The following FYB1 variants were observed in gnomAD, a reference collection of about 807,000 sequenced individuals.
The protein encoded by FYB1 is FYN-binding protein 1.
A neutral mutation model predicts 94.1 loss-of-function variants in FYB1; 41 were observed. That is an observed-to-expected ratio of 0.44 (90% CI 0.34 to 0.57). The LOEUF (loss-of-function observed/expected upper bound fraction) is 0.57. Ranked by LOEUF, FYB1 falls within the 20% of genes least tolerant of loss-of-function variation. The probability of loss-of-function intolerance (pLI) is 0.02; values close to 1 mark genes in which losing one functional copy is unlikely to be tolerated. For synonymous variants in FYB1, 367 were observed against 353.2 expected, an observed-to-expected ratio of 1.04 and a Z score of -0.44; for missense variants, 1,050 against 976.8, an observed-to-expected ratio of 1.07 and a Z score of -1.00.
intron 1 of FYB1, among the ~76,000 whole-genome samples, chr5:39,232,557 TA>T (rs5867450): frequency 0.026 from 4,011 of 151,924 alleles, 70 homozygotes; most frequent in Non-Finnish European, 0.036. Flanking sequence ...ATTTTTTATT[TA>T]TTTTTTTTGC....
upstream of FYB1, among the ~76,000 whole-genome samples, chr5:39,224,340 C>T (rs1453529684): frequency 2.0e-5 from 3 of 152,108 alleles, no homozygotes; most frequent in East Asian, 1.9e-4. Flanking sequence ...AGGGATTAAG[C>T]GTCCTGTGAA....
chr5:39,178,422 C>A (rs1444818098), intron 2 of FYB1, among the ~76,000 whole-genome samples: 4 of 152,184 alleles, frequency 2.6e-5, no homozygotes, highest in Non-Finnish European at 5.9e-5. Context: ...ATGCCTCTGT[C>A]AGGCTCAAAT....
In FYB1 at chr5:39,202,460, C is replaced by T. The variant is rs759366353; in HGVS notation, c.501G>A (p.Lys167=). 1 of 1,613,892 alleles carries T rather than the reference C, an allele frequency of 6.2e-7. No individual in the cohort carries two copies. The highest frequency in any genetic ancestry group is 1.1e-5 in the South Asian group (1 of 91,080). The stretch of plus-strand genomic sequence containing the variant: ...CCCCAGTCAATTTGGGAAACGCTTG[C>T]TTCTGTTCATTTTCTGAGGTTGGAG... ...PTPPTSENEQ[K]QAFPKLTGVK... is the part of the protein sequence containing the mutation. Residue 167 remains lysine (K), a synonymous_variant, in exon 2 of 19, where the codon AAG becomes AAA. Transcript: ENST00000512982.
intron 1 of FYB1, among the ~76,000 whole-genome samples, chr5:39,243,748 C>T (rs576929565): frequency 8.5e-4 from 130 of 152,232 alleles, no homozygotes; most frequent in Middle Eastern, 3.4e-3. Context: ...GCCATTTTCA[C>T]GATATTGATT....
At chr5:39,185,565 T>C (rs1746676706) in intron 2 of FYB1, among the ~76,000 whole-genome samples, 1 of 141,136 alleles carries the variant, frequency 7.1e-6, no homozygotes, top group East Asian at 2.0e-4. Flanking sequence ...TGATTGTGTG[T>C]GTGTATATAT....
Position 39,134,887 on chromosome 5 carries a change from C to G in FYB1, c.1643G>C (p.Gly548Ala). ...CCTTGCTGTTCTGCCCAACCATTTTCCTTCTGGGTTGTCTGTGATGCGGAT... is the reference window on the plus strand; with the variant it reads ...CCTTGCTGTTCTGCCCAACCATTTTGCTTCTGGGTTGTCTGTGATGCGGAT... ...EIIRITDNPE[G>A]KWLGRTARGS... The change falls in exon 8 of 19, where the codon GGA becomes GCA. Residue 548 changes from glycine (G) to alanine (A), a missense_variant. Gly to Ala is a moderately conservative substitution (Grantham distance 60). Transcript: ENST00000512982. 6.2e-7 allele frequency: 1 copy of G among 1,613,916 alleles called. No individual in the cohort carries two copies. The highest frequency in any genetic ancestry group is 8.5e-7 in the Non-Finnish European group (1 of 1,179,860).
intron 2 of FYB1, among the ~76,000 whole-genome samples, chr5:39,195,540 C>T (rs1292471513): frequency 6.6e-6 from 1 of 152,180 alleles, no homozygotes; most frequent in South Asian, 2.1e-4. Context: ...ATGATACATA[C>T]ACAGATGAGG....
intron 2 of FYB1, among the ~76,000 whole-genome samples, chr5:39,190,947 T>C (rs1282621522): frequency 6.6e-6 from 1 of 152,162 alleles, no homozygotes; most frequent in East Asian, 1.9e-4. Flanking sequence ...CAACCTCAAC[T>C]TTTTAAAGGT....
intron 2 of FYB1, among the ~76,000 whole-genome samples, chr5:39,160,219 C>T (rs1452444769): frequency 1.3e-5 from 2 of 152,170 alleles, no homozygotes; most frequent in African/African-American, 4.8e-5. Context: ...TGGTCACATA[C>T]ATGCACTCTG....
intron 3 of FYB1, among the ~76,000 whole-genome samples, chr5:39,147,872 G>A (rs1001836736): frequency 6.6e-6 from 1 of 150,520 alleles, no homozygotes; most frequent in African/African-American, 2.4e-5. Context: ...AGTAGAGACG[G>A]GGTTTCACCG....
At chr5:39,198,557 T>G (rs1388795438) in intron 2 of FYB1, among the ~76,000 whole-genome samples, 1 of 152,168 alleles carries the variant, frequency 6.6e-6, no homozygotes, top group Non-Finnish European at 1.5e-5. Context: ...AATGATTACT[T>G]GACTTTATGA....
intron 1 of FYB1, among the ~76,000 whole-genome samples, chr5:39,215,780 A>G (rs866167886): frequency 1.3e-5 from 2 of 152,220 alleles, no homozygotes; most frequent in Non-Finnish European, 2.9e-5. Context: ...TTGCTTGTCT[A>G]TAAATTATGC....
chr5:39,228,939 G>A (rs57154890), intron 1 of FYB1, among the ~76,000 whole-genome samples: 1 of 152,172 alleles, frequency 6.6e-6, no homozygotes, highest in African/African-American at 2.4e-5. Context: ...GATAAAATTA[G>A]GATGGTTCTT....
At chr5:39,132,615 A>C (rs1741300430) in intron 9 of FYB1, among the ~76,000 whole-genome samples, 1 of 152,234 alleles carries the variant, frequency 6.6e-6, no homozygotes, top group African/African-American at 2.4e-5. Flanking sequence ...TAAAATGGAA[A>C]AAGGTGATAA....
chr5:39,244,521 G>A (rs1170278235), intron 1 of FYB1, among the ~76,000 whole-genome samples: 1 of 152,262 alleles, frequency 6.6e-6, no homozygotes, highest in African/African-American at 2.4e-5. Flanking sequence ...GCTTTTTGAT[G>A]TGCTGCTGGA....
intron 12 of FYB1, 88 bp downstream of exon 12, chr5:39,125,910 G>T: frequency 1.6e-6 from 2 of 1,267,018 alleles, no homozygotes; most frequent in Non-Finnish European, 2.2e-6. Flanking sequence ...ATCAGAATTT[G>T]GTTATTGGTT....
At chr5:39,134,478 G>T in intron 8 of FYB1, 129 bp from the exon 9 acceptor site, 1 of 860,736 alleles carries the variant, frequency 1.2e-6, no homozygotes, top group Non-Finnish European at 1.7e-6. Context: ...GTTCTGATTT[G>T]TAGACCTCCC....
chr5:39,210,390 G>A (rs985928672), intron 1 of FYB1, among the ~76,000 whole-genome samples: 1 of 152,210 alleles, frequency 6.6e-6, no homozygotes, highest in Non-Finnish European at 1.5e-5. Flanking sequence ...TGATGATCCG[G>A]ATCCTTCTCC....
chr5:39,139,303 TTAATG>T (rs1741944643), intron 4 of FYB1, 51 bp from the exon 5 acceptor site: 6 of 1,329,086 alleles, frequency 4.5e-6, no homozygotes, highest in African/African-American at 1.5e-5. Context: ...AGGAAGCACT[TTAATG>T]TAAGATTATT....
Sources: allele counts gnomAD v4.1 joint callset (sites outside exome capture counted in the v4.1 genomes callset), GRCh38; gene constraint gnomAD v4.1.1; transcripts MANE v1.5; gene names NCBI Gene and HGNC (gene_info 2026-07-23, HGNC 2026-07-21).